The following POF1B variants were observed in gnomAD, a reference collection of about 807,000 sequenced individuals.
POF1B encodes POF1B actin binding protein.
Under a neutral mutation model 55.3 loss-of-function variants are expected in POF1B, and 53 were observed. The ratio of observed to expected loss-of-function variants is 0.96; its 90% confidence interval spans 0.77 to 1.20. The LOEUF is 1.20. POF1B is among the 50% of genes most tolerant of loss of function. The pLI, the probability that POF1B is intolerant of heterozygous loss-of-function variation, is 0.00. For synonymous variants in POF1B, 188 were observed against 148.3 expected, an observed-to-expected ratio of 1.27 and a Z score of -1.95; for missense variants, 478 against 420.5, an observed-to-expected ratio of 1.14 and a Z score of -1.20.
At position 85,360,527 on chromosome X, in the gene POF1B, GTATATA is replaced by G. The variant is rs142665633; in HGVS notation, c.358-903_358-898del. ...ATGGCTGCCTAGTATTCCATGGTAT[GTATATA>G]TATATATATATATATATATATATAT... On this transcript the variant is annotated intron_variant, in intron 3 of 16. Transcript: ENST00000262753. 4.6e-3 allele frequency among the ~76,000 whole-genome samples: 272 copies of G among 58,504 alleles called. 12 individuals carry two copies. The highest frequency in any genetic ancestry group is 0.021 in the African/African-American group (200 of 9,580). 50.8% of individuals were successfully genotyped at this position (58,504 alleles called of 115,157 possible). A position where few individuals can be genotyped will look rare whatever the true frequency, so the allele number is the denominator to read the frequency against.
intron 15 of POF1B, among the ~76,000 whole-genome samples, chrX:85,298,145 G>T (rs183558552): frequency 0.039 from 4,406 of 112,336 alleles, 94 homozygotes; most frequent in Middle Eastern, 0.088. Flanking sequence ...TGGAGGCTGT[G>T]CTGTGTGAAC....
intron 3 of POF1B, among the ~76,000 whole-genome samples, chrX:85,363,336 T>C (rs901142739): frequency 1.8e-5 from 2 of 111,478 alleles, no homozygotes; most frequent in Non-Finnish European, 3.8e-5. Context: ...TGTTGTGATG[T>C]TAGGTTGTTA....
At chrX:85,334,309 A>T (rs1342427782) in intron 6 of POF1B, among the ~76,000 whole-genome samples, 2 of 111,006 alleles carry the variant, frequency 1.8e-5, no homozygotes, top group Non-Finnish European at 3.8e-5. Flanking sequence ...CACCTCATAT[A>T]TACTCATCTG....
At chrX:85,306,459 G>T (rs363780) in intron 11 of POF1B, 126 bp from the exon 12 acceptor site, 30 of 594,993 alleles carry the variant, frequency 5.0e-5, no homozygotes, top group Non-Finnish European at 7.5e-5. Flanking sequence ...TTATACTCTG[G>T]GTCTTAGATG....
chrX:85,315,968 A>G (rs1485784005), intron 7 of POF1B, among the ~76,000 whole-genome samples: 1 of 111,689 alleles, frequency 9.0e-6, no homozygotes, highest in Admixed American at 9.6e-5. Context: ...ATAACAAAAT[A>G]ATAAAATATG....
At chrX:85,333,043 C>T (rs1374051192) in intron 6 of POF1B, among the ~76,000 whole-genome samples, 1 of 110,928 alleles carries the variant, frequency 9.0e-6, no homozygotes, top group Non-Finnish European at 1.9e-5. Context: ...TCTACATATT[C>T]TATATAAAAC....
intron 15 of POF1B, among the ~76,000 whole-genome samples, chrX:85,298,529 T>G (rs1275977801): frequency 8.9e-6 from 1 of 111,837 alleles, no homozygotes; most frequent in African/African-American, 3.3e-5. Flanking sequence ...GCTTTCTCCC[T>G]ATTCAGCCTT....
intron 15 of POF1B, among the ~76,000 whole-genome samples, chrX:85,288,698 C>G (rs67200417): frequency 0.13 from 14,385 of 110,422 alleles, 706 homozygotes; most frequent in South Asian, 0.17. Context: ...GTGAGTAAAT[C>G]TCATGAAATC....
rs373215923 is a variant in POF1B, at chrX:85,331,620, A to C, written c.724-541T>G. Among the ~76,000 whole-genome samples the C allele has an allele frequency of 1.1e-4, 12 of 110,878 alleles. No homozygotes were observed. The East Asian group carries it at 3.4e-3, about 32-fold the overall frequency. On this transcript the variant is annotated intron_variant, in intron 6 of 16. Coordinates refer to ENST00000262753, the MANE Select transcript of POF1B (RefSeq NM_024921.4). ...AAAATCCTCTCTGCTAGATATTTGA[A>C]AATATAGAGTAAATTTCTGTTAGCT... is the stretch of plus-strand genomic sequence containing the variant.
intron 6 of POF1B, among the ~76,000 whole-genome samples, chrX:85,342,363 A>G (rs1356457709): frequency 8.9e-6 from 1 of 111,887 alleles, no homozygotes; most frequent in African/African-American, 3.2e-5. Context: ...TAGTCTTACA[A>G]TGAAACTAAT....
chrX:85,282,152 G>A (rs1367332463), intron 16 of POF1B, 51 bp downstream of exon 16: 4 of 1,086,957 alleles, frequency 3.7e-6, no homozygotes, highest in Non-Finnish European at 3.6e-6. Context: ...AATTTTAAAA[G>A]GCTGTACATA....
intron 4 of POF1B, among the ~76,000 whole-genome samples, chrX:85,356,226 G>A (rs1445734123): frequency 4.1e-4 from 44 of 106,791 alleles, no homozygotes; most frequent in Admixed American, 3.3e-3. Flanking sequence ...ACCAAACACC[G>A]CATGTTCTCA....
Position 85,379,261 on chromosome X carries a change from G to A in POF1B, c.194C>T (p.Ala65Val). The stretch of plus-strand genomic sequence containing the variant: ...TTCCCGTGAGTTGAAGGGGTCCAAG[G>A]CCTGCACCACCTTGTTCATGGGCCC... ...YSGPMNKVVQ[A>V]LDPFNSREVL... Residue 65 changes from alanine to valine, a missense_variant, in exon 2 of 17, where the codon GCC becomes GTC. Ala to Val is a moderately conservative substitution (Grantham distance 64). Coordinates refer to ENST00000262753, the MANE Select transcript of POF1B (RefSeq NM_024921.4). 1 of 1,210,596 alleles carries A rather than the reference G, an allele frequency of 8.3e-7. No individual in the cohort carries two copies. Among genetic ancestry groups the A allele is most frequent in the Non-Finnish European group, 1.1e-6 (1 of 895,069 alleles).
rs897927601 is a variant in POF1B, at chrX:85,278,949, T to G, written c.*472A>C. On this transcript the variant is annotated 3_prime_UTR_variant, in exon 17 of 17. Transcript: ENST00000262753. Reference sequence around the variant, plus strand: ...GCAAATACAGACTGTATATATTATATACTAGCTGTTATTTTTTGCTTCAAT... The same window carrying G: ...GCAAATACAGACTGTATATATTATAGACTAGCTGTTATTTTTTGCTTCAAT... 8.8e-6 allele frequency: 1 copy of G among 113,002 alleles called. No homozygotes were observed. The highest frequency in any genetic ancestry group is 3.2e-5 in the African/African-American group (1 of 30,807). The allele number at this position is 113,002 out of a possible 1,213,427, so 9.3% of individuals were successfully genotyped here.
At chrX:85,285,200 G>T (rs1265061679) in intron 15 of POF1B, among the ~76,000 whole-genome samples, 1 of 111,520 alleles carries the variant, frequency 9.0e-6, no homozygotes, top group East Asian at 2.8e-4. Context: ...TACACCGTTG[G>T]CAGGACTGTA....
intron 5 of POF1B, among the ~76,000 whole-genome samples, 183 bp downstream of exon 5, chrX:85,351,167 C>G (rs961150916): frequency 1.8e-5 from 2 of 110,752 alleles, no homozygotes; most frequent in Non-Finnish European, 3.8e-5. Flanking sequence ...GACAATAATA[C>G]TTCACATGAA....
intron 7 of POF1B, among the ~76,000 whole-genome samples, chrX:85,325,304 C>G (rs191100876): frequency 2.7e-5 from 3 of 111,439 alleles, no homozygotes; most frequent in East Asian, 2.8e-4. Flanking sequence ...TTTTCTGTCT[C>G]TCAGGCATGC....
At chrX:85,289,459 C>T (rs745779829) in intron 15 of POF1B, among the ~76,000 whole-genome samples, 1 of 111,760 alleles carries the variant, frequency 8.9e-6, no homozygotes, top group African/African-American at 3.2e-5. Flanking sequence ...ACACTAGTCT[C>T]TGGCTGAATG....
intron 9 of POF1B, among the ~76,000 whole-genome samples, chrX:85,309,992 G>T (rs1932661474): frequency 8.9e-6 from 1 of 111,957 alleles, no homozygotes; most frequent in South Asian, 3.7e-4. Context: ...CCACCAGCTG[G>T]CAGTAATAGG....
Sources: allele counts gnomAD v4.1 joint callset (sites outside exome capture counted in the v4.1 genomes callset), GRCh38; gene constraint gnomAD v4.1.1; transcripts MANE v1.5; gene names NCBI Gene and HGNC (gene_info 2026-07-23, HGNC 2026-07-21).